LSM6: variants seen among roughly 807,000 people sequenced by gnomAD.
LSM6 encodes the protein LSM6 homolog, U6 small nuclear RNA and mRNA degradation associated.
Under a neutral mutation model 13.5 loss-of-function variants are expected in LSM6, and 2 were observed. That is an observed-to-expected ratio of 0.15 (90% confidence interval 0.06 to 0.47). The LOEUF is 0.47. Among genes scored for constraint, LSM6 ranks in the 20% least tolerant of loss-of-function variants. The pLI is 0.97. For missense variants in LSM6, 58 were observed against 96.4 expected, an observed-to-expected ratio of 0.60 and a Z score of 1.67; for synonymous variants, 43 against 34.9, an observed-to-expected ratio of 1.23 and a Z score of -0.82.
intron 1 of LSM6, among the ~76,000 whole-genome samples, chr4:146,177,727 G>T (rs1730142323): frequency 6.6e-6 from 1 of 152,006 alleles, no homozygotes; most frequent in Non-Finnish European, 1.5e-5. Context: ...TTGTTGTGGA[G>T]GGCCGTCCTG....
intron 2 of LSM6, among the ~76,000 whole-genome samples, chr4:146,185,484 C>A (rs1166614851): frequency 6.7e-6 from 1 of 148,914 alleles, no homozygotes; most frequent in East Asian, 2.0e-4. Flanking sequence ...CCCCAAAAAA[C>A]CCCAAAGCAA....
intron 1 of LSM6, among the ~76,000 whole-genome samples, chr4:146,176,881 AT>A (rs1161294040): frequency 6.6e-6 from 1 of 152,128 alleles, no homozygotes; most frequent in Non-Finnish European, 1.5e-5. Context: ...CAGAAGTGAA[AT>A]TATCAGATTA....
intron 1 of LSM6, among the ~76,000 whole-genome samples, chr4:146,176,975 T>C (rs7665079): frequency 0.3 from 46,293 of 152,006 alleles, 7,365 homozygotes; most frequent in Middle Eastern, 0.38. Flanking sequence ...AGATGTTTGG[T>C]AATTTTACTT....
At chr4:146,186,998 T>G (rs1560713685) in intron 2 of LSM6, among the ~76,000 whole-genome samples, 1 of 152,212 alleles carries the variant, frequency 6.6e-6, no homozygotes, top group East Asian at 1.9e-4. Context: ...TTTGAATGCT[T>G]TAAAAGTTTC....
intron 1 of LSM6, among the ~76,000 whole-genome samples, chr4:146,177,507 C>A (rs1730137031): frequency 6.6e-6 from 1 of 152,124 alleles, no homozygotes; most frequent in African/African-American, 2.4e-5. Context: ...GAATAAAACA[C>A]CCCTGATTAA....
chr4:146,188,813 T>C (rs1730403614), intron 3 of LSM6, among the ~76,000 whole-genome samples: 1 of 151,508 alleles, frequency 6.6e-6, no homozygotes, highest in Non-Finnish European at 1.5e-5. Flanking sequence ...TTGGTATCAT[T>C]AAAAAATAAA....
At chr4:146,182,265 A>G (rs1332376744) in intron 1 of LSM6, among the ~76,000 whole-genome samples, 2 of 152,230 alleles carry the variant, frequency 1.3e-5, no homozygotes, top group African/African-American at 4.8e-5. Context: ...GCTGGCATAT[A>G]GTACACTCAA....
intron 1 of LSM6, among the ~76,000 whole-genome samples, chr4:146,181,710 C>T (rs9308199): frequency 0.31 from 46,590 of 152,066 alleles, 7,447 homozygotes; most frequent in Middle Eastern, 0.38. Flanking sequence ...TCCATACTAA[C>T]TTTTAAGTCT....
intron 3 of LSM6, among the ~76,000 whole-genome samples, chr4:146,189,241 C>A (rs1730415045): frequency 6.6e-6 from 1 of 152,194 alleles, no homozygotes; most frequent in African/African-American, 2.4e-5. Context: ...GATCCACCCG[C>A]TTCAGCCTCC....
At chr4:146,177,608 A>G (rs1416003795) in intron 1 of LSM6, among the ~76,000 whole-genome samples, 3 of 152,026 alleles carry the variant, frequency 2.0e-5, no homozygotes, top group Admixed American at 6.5e-5. Flanking sequence ...CCTCACTTTA[A>G]AACCAAAGAA....
At chr4:146,184,662 C>T (rs536067170) in intron 2 of LSM6, among the ~76,000 whole-genome samples, 1 of 152,200 alleles carries the variant, frequency 6.6e-6, no homozygotes, top group East Asian at 1.9e-4. Context: ...AAAGTGAGGA[C>T]ATTGTGTTCA....
At chr4:146,186,626 ATAT>A (rs1730355331) in intron 2 of LSM6, among the ~76,000 whole-genome samples, 1 of 152,214 alleles carries the variant, frequency 6.6e-6, no homozygotes, top group Non-Finnish European at 1.5e-5. Flanking sequence ...TGATTGGAAA[ATAT>A]TATAGCTGTA....
At chr4:146,187,587 C>G (rs940927316) in intron 3 of LSM6, 200 bp downstream of exon 3, 2 of 478,546 alleles carry the variant, frequency 4.2e-6, no homozygotes, top group Non-Finnish European at 7.6e-6. Flanking sequence ...TTCTCTCCTT[C>G]CCTTCCTTTA....
intron 2 of LSM6, among the ~76,000 whole-genome samples, chr4:146,186,272 T>C (rs1366845676): frequency 6.6e-6 from 1 of 152,218 alleles, no homozygotes; most frequent in Admixed American, 6.5e-5. Flanking sequence ...ATTAATGTCT[T>C]TTGCTGTCAT....
rs750300236 is a variant in LSM6, at chr4:146,189,860, T to C, written c.*204T>C. 65 of 517,292 alleles carry C rather than the reference T, an allele frequency of 1.3e-4. No homozygotes were observed. Among genetic ancestry groups the C allele is most frequent in the Non-Finnish European group, 2.1e-4 (63 of 293,738 alleles). 32.0% of individuals were successfully genotyped at this position (517,292 alleles called of 1,614,324 possible). A position where few individuals can be genotyped will look rare whatever the true frequency, so the allele number is the denominator to read the frequency against. ...CTTGTAAGTTTCAGTCATTTTCTTT[T>C]ACCTCGTTGTCAGTGTACAGAATGC... On this transcript the variant is annotated 3_prime_UTR_variant, in exon 4 of 4. Transcript: ENST00000296581.
Position 146,189,651 on chromosome 4 carries a change from A to G in LSM6, c.238A>G (p.Met80Val), listed in dbSNP as rs141653390. Residue 80 changes from methionine to valine, a missense_variant, in exon 4 of 4, where the codon ATG becomes GTG. Transcript: ENST00000296581. ...VLYISTQKRR[M>V] ...GTACATCAGTACACAGAAGAGACGGATGTGAAGACACCAAGAGAGCAACGC... is the reference window on the plus strand; with the variant it reads ...GTACATCAGTACACAGAAGAGACGGGTGTGAAGACACCAAGAGAGCAACGC... 2.4e-5 allele frequency: 38 copies of G among 1,601,508 alleles called. No individual in the cohort carries two copies. In the African/African-American group the frequency reaches 4.7e-4, roughly 20 times the overall value.
chr4:146,190,898 G>GGGC lies in LSM6; in HGVS notation c.*1243_*1245dup, dbSNP rs1303695692. 3.9e-5 allele frequency: 6 copies of GGGC among 152,220 alleles called. No individual in the cohort carries two copies. The highest frequency in any genetic ancestry group is 7.3e-5 in the Non-Finnish European group (5 of 68,078). 9.4% of individuals were successfully genotyped at this position (152,220 alleles called of 1,614,324 possible). ...AACAACTGCTTGGTTGAAGGATGGG[G>GGGC]GGCAGGATCGAGAAGGAGAGAGGGA... On this transcript the variant is annotated 3_prime_UTR_variant, in exon 4 of 4. Coordinates refer to ENST00000296581, the MANE Select transcript of LSM6 (RefSeq NM_007080.3).
At chr4:146,187,639 C>T (rs1416916251) in intron 3 of LSM6, 2 of 347,496 alleles carry the variant, frequency 5.8e-6, no homozygotes, top group Non-Finnish European at 1.1e-5. Context: ...TACCTGGAAC[C>T]CTGCTTTCTC....
chr4:146,187,728 C>T (rs1393592409), intron 3 of LSM6, among the ~76,000 whole-genome samples: 2 of 152,154 alleles, frequency 1.3e-5, no homozygotes, highest in Non-Finnish European at 2.9e-5. Context: ...GAATGGGCAC[C>T]GTTTCCCTGC....
Sources: allele counts gnomAD v4.1 joint callset (sites outside exome capture counted in the v4.1 genomes callset), GRCh38; gene constraint gnomAD v4.1.1; transcripts MANE v1.5; gene names NCBI Gene and HGNC (gene_info 2026-07-23, HGNC 2026-07-21).